ZHX2: variants seen among roughly 807,000 people sequenced by gnomAD.
ZHX2 encodes the protein zinc fingers and homeoboxes 2.
Under a neutral mutation model 21.9 loss-of-function variants are expected in ZHX2, and 6 were observed. That is an observed-to-expected ratio of 0.27 (90% CI 0.15 to 0.54). The LOEUF (loss-of-function observed/expected upper bound fraction) is 0.54. Among genes scored for constraint, ZHX2 ranks in the 20% least tolerant of loss-of-function variants. The probability of loss-of-function intolerance (pLI) is 0.95; values close to 1 mark genes in which losing one functional copy is unlikely to be tolerated. For missense variants in ZHX2, 908 were observed against 1,090.7 expected, an observed-to-expected ratio of 0.83 and a Z score of 2.36; for synonymous variants, 434 against 437.1, an observed-to-expected ratio of 0.99 and a Z score of 0.09.
rs373597724 is a variant in ZHX2, at chr8:122,881,132, G to A, written c.-220+17593G>A. On this transcript the variant is annotated intron_variant, in intron 2 of 3. Coordinates refer to ENST00000314393, the MANE Select transcript of ZHX2 (RefSeq NM_014943.5). ...CAGATCATTTGCTGGGAATGTGAGCGTGGCTGCAGGATCCGTGCGGGAGCA... is the reference window on the plus strand; with the variant it reads ...CAGATCATTTGCTGGGAATGTGAGCATGGCTGCAGGATCCGTGCGGGAGCA... 9.8e-5 allele frequency among the ~76,000 whole-genome samples: 13 copies of A among 132,994 alleles called. No homozygotes were observed. The East Asian group carries it at 1.7e-3, about 18-fold the overall frequency. The allele number at this position is 132,994 out of a possible 152,430, so 87.2% of individuals were successfully genotyped here.
At chr8:122,796,857 G>T (rs1400947702) in intron 1 of ZHX2, among the ~76,000 whole-genome samples, 3 of 152,140 alleles carry the variant, frequency 2.0e-5, no homozygotes, top group African/African-American at 7.2e-5. Flanking sequence ...AATGTGGGAA[G>T]ACAGTAAAAT....
chr8:122,926,249 AG>A (rs1379119665), intron 2 of ZHX2, among the ~76,000 whole-genome samples: 1 of 152,184 alleles, frequency 6.6e-6, no homozygotes, highest in Non-Finnish European at 1.5e-5. Flanking sequence ...GGTATTTAAA[AG>A]CTCCTCTGTT....
intron 2 of ZHX2, among the ~76,000 whole-genome samples, chr8:122,932,657 A>G (rs1004030722): frequency 6.6e-6 from 1 of 152,312 alleles, no homozygotes; most frequent in African/African-American, 2.4e-5. Flanking sequence ...TCTCCCTCTC[A>G]TAAGGATACT....
intron 2 of ZHX2, among the ~76,000 whole-genome samples, chr8:122,919,895 TA>T (rs1328836229): frequency 6.6e-6 from 1 of 152,100 alleles, no homozygotes. Flanking sequence ...ACGCAGAAAA[TA>T]AAAATCATGG....
chr8:122,868,235 A>C (rs1819343971), intron 2 of ZHX2, among the ~76,000 whole-genome samples: 1 of 143,614 alleles, frequency 7.0e-6, no homozygotes, highest in Admixed American at 6.9e-5. Flanking sequence ...GACACCAACC[A>C]TGTGTCAGAA....
intron 2 of ZHX2, among the ~76,000 whole-genome samples, chr8:122,868,559 G>A (rs1161719727): frequency 1.3e-5 from 2 of 151,954 alleles, no homozygotes; most frequent in Non-Finnish European, 1.5e-5. Context: ...AAATTAGCCG[G>A]GCATGGTGGC....
chr8:122,814,130 A>G (rs1817983046), intron 1 of ZHX2, among the ~76,000 whole-genome samples: 1 of 152,248 alleles, frequency 6.6e-6, no homozygotes, highest in Non-Finnish European at 1.5e-5. Flanking sequence ...CTCTGAATAT[A>G]GCCTTTGCAA....
chr8:122,790,429 C>G lies in ZHX2; in HGVS notation c.-283+8483C>G, dbSNP rs187855608. Among the ~76,000 whole-genome samples, 5 of 152,228 alleles carry G rather than the reference C, an allele frequency of 3.3e-5. No individual in the cohort carries two copies. The East Asian group carries it at 5.8e-4, about 18-fold the overall frequency. ...CCAGTCAGCACTCACTGAGCACCTG[C>G]CAGAGGAAGAAAACAATACTCCTGC... On this transcript the variant is annotated intron_variant, in intron 1 of 3. Transcript: ENST00000314393.
At chr8:122,922,334 A>C (rs1159272590) in intron 2 of ZHX2, among the ~76,000 whole-genome samples, 3 of 152,076 alleles carry the variant, frequency 2.0e-5, no homozygotes, top group Non-Finnish European at 4.4e-5. Flanking sequence ...ATTTTTTTTA[A>C]GTGTTATGAA....
intron 1 of ZHX2, among the ~76,000 whole-genome samples, chr8:122,797,923 A>C (rs1043357719): frequency 6.6e-6 from 1 of 152,188 alleles, no homozygotes; most frequent in Non-Finnish European, 1.5e-5. Context: ...TCAGCGTGCC[A>C]GGCCGATTCT....
At chr8:122,839,490 C>T (rs140730360) in intron 1 of ZHX2, among the ~76,000 whole-genome samples, 1,597 of 152,252 alleles carry the variant, frequency 0.01, 24 homozygotes, top group African/African-American at 0.036. Context: ...TGTTTTTTAC[C>T]TTTCCAGCAT....
In ZHX2 at chr8:122,863,072, A is replaced by G. The variant is rs188433221; in HGVS notation, c.-282-405A>G. On this transcript the variant is annotated intron_variant, in intron 1 of 3. Coordinates refer to ENST00000314393, the MANE Select transcript of ZHX2 (RefSeq NM_014943.5). Reference sequence around the variant, plus strand: ...TATCTTTTCGACTTGAGGCCTGAGCACAGAGCTTTCCCCCTTCGCCCTCAC... The same window carrying G: ...TATCTTTTCGACTTGAGGCCTGAGCGCAGAGCTTTCCCCCTTCGCCCTCAC... Among the ~76,000 whole-genome samples the G allele has an allele frequency of 7.5e-3, 1,136 of 152,228 alleles. 10 individuals carry two copies. Among genetic ancestry groups the G allele is most frequent in the African/African-American group, 0.026 (1,070 of 41,542 alleles).
intron 3 of ZHX2, among the ~76,000 whole-genome samples, chr8:122,963,448 A>G (rs1309942261): frequency 6.6e-6 from 1 of 151,860 alleles, no homozygotes; most frequent in Admixed American, 6.6e-5. Context: ...CTGGCTTTAT[A>G]TATATTTTCT....
At chr8:122,790,783 T>C (rs574426541) in intron 1 of ZHX2, among the ~76,000 whole-genome samples, 1 of 152,244 alleles carries the variant, frequency 6.6e-6, no homozygotes, top group South Asian at 2.1e-4. Context: ...AATTTTTGTA[T>C]TTTTAGTAGA....
chr8:122,969,373 G>A (rs879794054), intron 3 of ZHX2, among the ~76,000 whole-genome samples: 14 of 151,986 alleles, frequency 9.2e-5, no homozygotes, highest in Admixed American at 6.6e-4. Context: ...TGTGTTCAGA[G>A]GGCAGATCTC....
intron 2 of ZHX2, among the ~76,000 whole-genome samples, chr8:122,916,818 T>C (rs2130050956): frequency 6.6e-6 from 1 of 152,154 alleles, no homozygotes; most frequent in South Asian, 2.1e-4. Context: ...TCCAGATCTG[T>C]CTCCACACTC....
Position 122,793,070 on chromosome 8 carries a change from T to C in ZHX2, c.-283+11124T>C, listed in dbSNP as rs189639715. Reference sequence around the variant, plus strand: ...TCCCCACAGTTAGCCTGGCTGGACTTGCAGAGCCTGAATCGCTGCTCACAG... The same window carrying C: ...TCCCCACAGTTAGCCTGGCTGGACTCGCAGAGCCTGAATCGCTGCTCACAG... On this transcript the variant is annotated intron_variant, in intron 1 of 3. Coordinates refer to ENST00000314393, the MANE Select transcript of ZHX2 (RefSeq NM_014943.5). 8.5e-5 allele frequency among the ~76,000 whole-genome samples: 13 copies of C among 152,302 alleles called. No individual in the cohort carries two copies. In the East Asian group the frequency reaches 2.3e-3, roughly 27 times the overall value.
Position 122,951,943 on chromosome 8 carries a change from A to G in ZHX2, c.433A>G (p.Lys145Glu). ...GEANFKLKLI[K>E]RNNQTVLEQS... is the part of the protein sequence containing the mutation. The stretch of plus-strand genomic sequence containing the variant: ...GGCCAACTTCAAGCTGAAGTTAATT[A>G]AACGCAATAATCAAACTGTCTTGGA... Residue 145 changes from lysine to glutamate, a missense_variant, in exon 3 of 4, where the codon AAA (lysine) becomes GAA (glutamate). Lys to Glu is a moderately conservative substitution (Grantham distance 56). Around this residue, in one of 4 missense-constraint regions of ZHX2, gnomAD observed 220 missense variants for 251.4 expected, o/e 0.88. Coordinates refer to ENST00000314393, the MANE Select transcript of ZHX2 (RefSeq NM_014943.5). The G allele has an allele frequency of 6.2e-7, 1 of 1,614,100 alleles. No homozygotes were observed. The highest frequency in any genetic ancestry group is 1.3e-5 in the African/African-American group (1 of 75,014).
At chr8:122,970,044 C>T (rs1455028331) in intron 3 of ZHX2, among the ~76,000 whole-genome samples, 1 of 152,148 alleles carries the variant, frequency 6.6e-6, no homozygotes, top group Non-Finnish European at 1.5e-5. Context: ...TCACCGAGAG[C>T]CTGGACATCA....
Sources: gnomAD v4.1 joint callset for allele counts (sites outside exome capture counted in the v4.1 genomes callset) on GRCh38, gnomAD v4.1.1 for gene constraint, gnomAD v4.1.1 regional missense constraint, MANE v1.5 for transcripts, NCBI Gene and HGNC (gene_info 2026-07-23, HGNC 2026-07-21) for gene names.